The following TARS1 variants were observed in gnomAD, a reference collection of about 807,000 sequenced individuals.
TARS1 encodes threonine--tRNA ligase 1, cytoplasmic.
In TARS1, 57 loss-of-function variants were observed where a neutral mutation model predicts 97.7. The ratio of observed to expected loss-of-function variants is 0.58; its 90% confidence interval spans 0.47 to 0.73. The LOEUF (loss-of-function observed/expected upper bound fraction) is 0.73, where lower values mean the gene tolerates loss of function less well. Among genes scored for constraint, TARS1 ranks in the 30% least tolerant of loss-of-function variants. The probability of loss-of-function intolerance (pLI) is 0.00; values close to 1 mark genes in which losing one functional copy is unlikely to be tolerated. For synonymous variants in TARS1, 312 were observed against 293.7 expected, an observed-to-expected ratio of 1.06 and a Z score of -0.64; for missense variants, 806 against 888.3, an observed-to-expected ratio of 0.91 and a Z score of 1.18.
At chr5:33,455,542 T>C in intron 5 of TARS1, 45 bp from the exon 6 acceptor site, 1 of 1,280,576 alleles carries the variant, frequency 7.8e-7, no homozygotes, top group South Asian at 1.5e-5. Flanking sequence ...GAAGCCATGG[T>C]GTGATTCGAA....
chr5:33,462,025 C>T lies in TARS1; in HGVS notation c.1730+19C>T, dbSNP rs955313350. The T allele has an allele frequency of 6.2e-7, 1 of 1,610,576 alleles. No homozygotes were observed. The highest frequency in any genetic ancestry group is 1.3e-5 in the African/African-American group (1 of 74,808). ...ATGTAAGGTGAGTTTCTGGTGTCTGCTCTGAATATTCTCCAGGGATATATA... is the reference window on the plus strand; with the variant it reads ...ATGTAAGGTGAGTTTCTGGTGTCTGTTCTGAATATTCTCCAGGGATATATA... On this transcript the variant is annotated intron_variant, in intron 15 of 18. Transcript: ENST00000265112.
At chr5:33,442,082 G>A (rs1741128223) in intron 1 of TARS1, among the ~76,000 whole-genome samples, 2 of 152,164 alleles carry the variant, frequency 1.3e-5, no homozygotes, top group South Asian at 4.1e-4. Context: ...CATGCAGAAG[G>A]CTGTTGTAAT....
At chr5:33,449,473 GAC>G (rs1741618129) in intron 3 of TARS1, among the ~76,000 whole-genome samples, 1 of 71,150 alleles carries the variant, frequency 1.4e-5, no homozygotes, top group South Asian at 6.9e-4. Context: ...TTTTTTTTGA[GAC>G]AGAGTCTTGC....
chr5:33,452,234 A>G (rs989187872), intron 3 of TARS1: 15 of 830,358 alleles, frequency 1.8e-5, no homozygotes, highest in African/African-American at 1.7e-4. Context: ...TTCACAGTGT[A>G]GAATGTTGCC....
chr5:33,463,659 G>C, intron 16 of TARS1, 94 bp from the exon 17 acceptor site: 1 of 1,113,124 alleles, frequency 9.0e-7, no homozygotes, highest in East Asian at 2.6e-5. Context: ...ACATGTTCCA[G>C]GAAAAGATAC....
At chr5:33,465,018 A>C (rs976280085) in intron 17 of TARS1, among the ~76,000 whole-genome samples, 1 of 152,176 alleles carries the variant, frequency 6.6e-6, no homozygotes, top group Non-Finnish European at 1.5e-5. Context: ...GTGAGCCAAG[A>C]TCATGCCACT....
At position 33,441,079 on chromosome 5, in the gene TARS1, G is replaced by A; in HGVS notation, c.-8G>A. 2 of 1,614,176 alleles carry A rather than the reference G, an allele frequency of 1.2e-6. No homozygotes were observed. Among genetic ancestry groups the A allele is most frequent in the Admixed American group, 3.3e-5 (2 of 60,018 alleles). ...TTTCGGGTTCTCTCATCGCTTCGTCGTTCGCCAATGTTTGAGGAGAAGGCC... is the reference window on the plus strand; with the variant it reads ...TTTCGGGTTCTCTCATCGCTTCGTCATTCGCCAATGTTTGAGGAGAAGGCC... On this transcript the variant is annotated 5_prime_UTR_variant, in exon 1 of 19. Transcript: ENST00000265112.
At chr5:33,455,733 A>G (rs1374174985) in intron 6 of TARS1, 29 bp downstream of exon 6, 11 of 1,430,386 alleles carry the variant, frequency 7.7e-6, no homozygotes, top group African/African-American at 1.4e-5. Context: ...CGTGGCCCCC[A>G]CTGTTAATAT....
At chr5:33,458,063 G>A (rs137868622) in intron 9 of TARS1, among the ~76,000 whole-genome samples, 4 of 152,218 alleles carry the variant, frequency 2.6e-5, no homozygotes, top group South Asian at 2.1e-4. Context: ...TTGGGGAGGC[G>A]GATGTTGGCA....
At chr5:33,464,709 G>T (rs1301546455) in intron 17 of TARS1, among the ~76,000 whole-genome samples, 1 of 151,702 alleles carries the variant, frequency 6.6e-6, no homozygotes, top group Admixed American at 6.6e-5. Flanking sequence ...GAGGGTTCAG[G>T]GTGTGATGAT....
At chr5:33,441,280 A>G in intron 1 of TARS1, 137 bp downstream of exon 1, 1 of 1,022,018 alleles carries the variant, frequency 9.8e-7, no homozygotes, top group East Asian at 2.4e-5. Context: ...GGATGGTGGG[A>G]CTCCTGGAAA....
At chr5:33,457,976 C>CAA (rs1742109363) in intron 9 of TARS1, among the ~76,000 whole-genome samples, 1 of 152,178 alleles carries the variant, frequency 6.6e-6, no homozygotes, top group Non-Finnish European at 1.5e-5. Flanking sequence ...CTGCCTTGCA[C>CAA]CCCTGACTAC....
At position 33,441,143 on chromosome 5, in the gene TARS1, G is replaced by A. The variant is rs779277762; in HGVS notation, c.57G>A (p.Pro19=). ...PSGKMGGEEK[P]IGAGEEKQKE... ...GGAAGATGGGAGGCGAGGAGAAGCC[G>A]GTGAGCAAACTTGGTGGGACCCAGA... The change falls in exon 1 of 19, where the codon CCG becomes CCA. Residue 19 remains proline, a splice_region_variant and synonymous_variant. Transcript: ENST00000265112. 1.9e-6 allele frequency: 3 copies of A among 1,614,186 alleles called. No homozygotes were observed. The highest frequency in any genetic ancestry group is 2.2e-5 in the South Asian group (2 of 91,084).
intron 17 of TARS1, among the ~76,000 whole-genome samples, chr5:33,464,152 C>T (rs983213773): frequency 7.2e-5 from 11 of 152,134 alleles, no homozygotes; most frequent in African/African-American, 2.2e-4. Flanking sequence ...CCTGGGCTCA[C>T]GCAGTCCTCC....
intron 17 of TARS1, among the ~76,000 whole-genome samples, chr5:33,465,624 T>A (rs1742495036): frequency 6.6e-6 from 1 of 152,254 alleles, no homozygotes; most frequent in Non-Finnish European, 1.5e-5. Flanking sequence ...TGTAATAAAA[T>A]GTCAACAGGT....
intron 4 of TARS1, among the ~76,000 whole-genome samples, chr5:33,453,674 T>C (rs947566900): frequency 6.6e-6 from 1 of 152,126 alleles, no homozygotes; most frequent in African/African-American, 2.4e-5. Context: ...AAACATTGAT[T>C]AAGCAAGTAA....
rs533987580 is a variant in TARS1 at position 33,449,439 on chromosome 5, T to G, written c.329+708T>G. Reference sequence around the variant, plus strand: ...GCGAAAAATAAAAATGATTCTTTTTTTCTTTCTTTTTTTTTTTTTTTTTTT... The same window carrying G: ...GCGAAAAATAAAAATGATTCTTTTTGTCTTTCTTTTTTTTTTTTTTTTTTT... On this transcript the variant is annotated intron_variant, in intron 3 of 18. Transcript: ENST00000265112. Among the ~76,000 whole-genome samples, 967 of 142,844 alleles carry G rather than the reference T, an allele frequency of 6.8e-3. 11 individuals carry two copies. Among genetic ancestry groups the G allele is most frequent in the African/African-American group, 0.025 (927 of 37,702 alleles). The allele number at this position is 142,844 out of a possible 152,430, so 93.7% of individuals were successfully genotyped here. A position where few individuals can be genotyped will look rare whatever the true frequency, so the allele number is the denominator to read the frequency against.
intron 9 of TARS1, 57 bp from the exon 10 acceptor site, chr5:33,458,509 T>G: frequency 1.4e-6 from 2 of 1,465,952 alleles, no homozygotes; most frequent in Non-Finnish European, 1.9e-6. Flanking sequence ...TTTATGTATA[T>G]ATACACACAC....
chr5:33,450,149 C>T (rs571651039), intron 3 of TARS1, among the ~76,000 whole-genome samples: 6 of 152,312 alleles, frequency 3.9e-5, no homozygotes, highest in Admixed American at 3.9e-4. Context: ...CTCAAACATT[C>T]AACTTGGTTT....
Sources: allele counts gnomAD v4.1 joint callset (sites outside exome capture counted in the v4.1 genomes callset), GRCh38; gene constraint gnomAD v4.1.1; transcripts MANE v1.5; gene names NCBI Gene and HGNC (gene_info 2026-07-23, HGNC 2026-07-21).